The following ADAMTS2 variants were observed in gnomAD, a reference collection of about 807,000 sequenced individuals.
The protein encoded by ADAMTS2 is ADAM metallopeptidase with thrombospondin type 1 motif 2.
A neutral mutation model predicts 123.0 loss-of-function variants in ADAMTS2; 50 were observed. The ratio of observed to expected loss-of-function variants is 0.41; its 90% CI spans 0.32 to 0.51. The LOEUF is 0.51. Ranked by LOEUF, ADAMTS2 falls within the 20% of genes least tolerant of loss-of-function variation. The pLI is 0.35. For missense variants in ADAMTS2, 1,494 were observed against 1,705.2 expected (o/e 0.88, Z 2.18); for synonymous variants, 678 against 695.4 (o/e 0.98, Z 0.39).
rs1427148302 is a variant in ADAMTS2, at chr5:179,199,384, A to G, written c.891+8129T>C. ...CCATCCCGCCCACGGCTGGCAGGAA[A>G]GGGGCATGTCTGGTGGATGGCTGGC... On this transcript the variant is annotated intron_variant, in intron 4 of 21. Coordinates refer to ENST00000251582, the MANE Select transcript of ADAMTS2 (RefSeq NM_014244.5). Among the ~76,000 whole-genome samples the G allele has an allele frequency of 3.3e-5, 5 of 152,178 alleles. No individual in the cohort carries two copies. The East Asian group carries it at 7.7e-4, about 23-fold the overall frequency.
intron 2 of ADAMTS2, among the ~76,000 whole-genome samples, chr5:179,335,528 G>A (rs1003002878): frequency 5.9e-5 from 9 of 152,190 alleles, no homozygotes; most frequent in African/African-American, 2.2e-4. Context: ...AATAAACACA[G>A]CTTAATATTG....
At chr5:179,151,170 A>C in intron 10 of ADAMTS2, 1 of 347,618 alleles carries the variant, frequency 2.9e-6, no homozygotes, top group South Asian at 2.3e-5. Context: ...GTGCTGGGAT[A>C]ACAGGCATGA....
rs562791928 is a variant in ADAMTS2, at chr5:179,121,509, C to T, written c.3178+152G>A. The T allele has an allele frequency of 2.6e-4, 150 of 568,124 alleles. No individual in the cohort carries two copies. The African/African-American group carries it at 2.7e-3, about 10-fold the overall frequency. 35.2% of individuals were successfully genotyped at this position (568,124 alleles called of 1,614,324 possible). The stretch of plus-strand genomic sequence containing the variant: ...CGCGGCCCGGAGCGGACGCCGAGCT[C>T]AGAGGCCCGGGAGAAAACGGTCACC... On this transcript the variant is annotated intron_variant, in intron 21 of 21. Coordinates refer to ENST00000251582, the MANE Select transcript of ADAMTS2 (RefSeq NM_014244.5).
At chr5:179,296,459 G>A (rs935772137) in intron 2 of ADAMTS2, among the ~76,000 whole-genome samples, 10 of 152,186 alleles carry the variant, frequency 6.6e-5, no homozygotes, top group African/African-American at 2.4e-4. Flanking sequence ...CGAGGCTGGG[G>A]CCCCTGCTCG....
At chr5:179,195,718 G>C (rs769849231) in intron 4 of ADAMTS2, among the ~76,000 whole-genome samples, 2 of 152,166 alleles carry the variant, frequency 1.3e-5, no homozygotes, top group East Asian at 3.9e-4. Flanking sequence ...TGAGCCTTGC[G>C]TGCAGCCTCG....
intron 3 of ADAMTS2, among the ~76,000 whole-genome samples, chr5:179,221,299 T>C (rs1765120334): frequency 6.6e-6 from 1 of 152,140 alleles, no homozygotes; most frequent in South Asian, 2.1e-4. Context: ...CCCCAGCATC[T>C]GGCTCTGTCC....
chr5:179,321,096 CTT>C (rs1757159742), intron 2 of ADAMTS2, among the ~76,000 whole-genome samples: 2 of 152,074 alleles, frequency 1.3e-5, no homozygotes, highest in East Asian at 3.8e-4. Flanking sequence ...TCTGAAGCCA[CTT>C]TTACTTGGAT....
chr5:179,264,036 T>C (rs1017733510), intron 3 of ADAMTS2, among the ~76,000 whole-genome samples: 1 of 151,494 alleles, frequency 6.6e-6, no homozygotes, highest in Admixed American at 6.6e-5. Context: ...ACTGGCAGAG[T>C]TTGGACCTCG....
rs66565583 is a variant in ADAMTS2 at position 179,207,546 on chromosome 5, G to A, written c.858C>T (p.His286=). 0.19 allele frequency: 298,649 copies of A among 1,556,148 alleles called. 29,384 individuals are homozygous for A. The highest frequency in any genetic ancestry group is 0.23 in the Middle Eastern group (1,350 of 5,790). Residue 286 remains histidine (H), a synonymous_variant, in exon 4 of 22, where the codon CAC becomes CAT. Transcript: ENST00000251582. ...DSVVQFHGKE[H]VQKYLLTLMN... ...TGAGTGTCAGCAGGTACTTCTGTAC[G>A]TGCTCCTTCCCGTGGAACTGCACCA...
intron 2 of ADAMTS2, among the ~76,000 whole-genome samples, chr5:179,338,466 A>G (rs1218285121): frequency 2.0e-5 from 3 of 152,154 alleles, no homozygotes; most frequent in Non-Finnish European, 4.4e-5. Context: ...TGGATCCCTC[A>G]GGCATCTCTG....
rs1762573203 is a variant in ADAMTS2, at chr5:179,111,889, T to A, written c.*1978A>T. 6.6e-6 allele frequency: 1 copy of A among 152,258 alleles called. No individual in the cohort carries two copies. Among genetic ancestry groups the A allele is most frequent in the East Asian group, 1.9e-4 (1 of 5,192 alleles). 9.4% of individuals were successfully genotyped at this position (152,258 alleles called of 1,614,324 possible). A position where few individuals can be genotyped will look rare whatever the true frequency, so the allele number is the denominator to read the frequency against. Reference sequence around the variant, plus strand: ...TGCACACATGCTCTAAACCACATCTTCTTAAGGAAGGGGTACTATGAGAGA... The same window carrying A: ...TGCACACATGCTCTAAACCACATCTACTTAAGGAAGGGGTACTATGAGAGA... On this transcript the variant is annotated 3_prime_UTR_variant, in exon 22 of 22. Transcript: ENST00000251582.
intron 3 of ADAMTS2, among the ~76,000 whole-genome samples, chr5:179,244,479 G>T (rs1765738434): frequency 6.6e-6 from 1 of 152,096 alleles, no homozygotes. Flanking sequence ...ATTATGAGTA[G>T]ACCCATTTTA....
At position 179,167,719 on chromosome 5, in the gene ADAMTS2, A is replaced by G. The variant is rs114589161; in HGVS notation, c.976-8840T>C. On this transcript the variant is annotated intron_variant, in intron 5 of 21. Coordinates refer to ENST00000251582, the MANE Select transcript of ADAMTS2 (RefSeq NM_014244.5). ...CCTGGGCAGCTCTAGGCCCGGCCGA[A>G]ATATCTCATCTGCTCTGTTCTTGGG... Among the ~76,000 whole-genome samples the G allele has an allele frequency of 4.3e-3, 649 of 152,308 alleles. 4 individuals carry two copies. Among genetic ancestry groups the G allele is most frequent in the African/African-American group, 0.015 (615 of 41,572 alleles).
chr5:179,331,664 C>G (rs776462339), intron 2 of ADAMTS2, among the ~76,000 whole-genome samples: 33 of 151,848 alleles, frequency 2.2e-4, no homozygotes, highest in Admixed American at 2.2e-3. Context: ...CGTCCTATGA[C>G]AGTTGTCTCT....
rs567819389 is a variant in ADAMTS2 at position 179,306,578 on chromosome 5, C to G, written c.535-33514G>C. ...ACTCCTACTCAACCTTGGGTTGAGTCCTAGACAGCACCTCTGTACACACCC... is the reference window on the plus strand; with the variant it reads ...ACTCCTACTCAACCTTGGGTTGAGTGCTAGACAGCACCTCTGTACACACCC... On this transcript the variant is annotated intron_variant, in intron 2 of 21. Coordinates refer to ENST00000251582, the MANE Select transcript of ADAMTS2 (RefSeq NM_014244.5). Among the ~76,000 whole-genome samples, 34 of 152,288 alleles carry G rather than the reference C, an allele frequency of 2.2e-4. No homozygotes were observed. In the South Asian group the frequency reaches 7.1e-3, roughly 32 times the overall value.
At position 179,314,884 on chromosome 5, in the gene ADAMTS2, G is replaced by A. The variant is rs113444657; in HGVS notation, c.534+28883C>T. Among the ~76,000 whole-genome samples the A allele has an allele frequency of 0.01, 1,536 of 152,212 alleles. 15 individuals are homozygous for A. The highest frequency in any genetic ancestry group is 0.015 in the Non-Finnish European group (1,030 of 67,990). The stretch of plus-strand genomic sequence containing the variant: ...ATAGGAATGTCCCTTAGCATGGCCC[G>A]GGAGCCTCAAGCCCAGGGCCTACCT... On this transcript the variant is annotated intron_variant, in intron 2 of 21. Transcript: ENST00000251582. This position sits in a 1 kb window ranked among gnomAD's most constrained non-coding sequence, Gnocchi z 4.5.
rs780829205 is a variant in ADAMTS2, at chr5:179,181,180, C to T, written c.892-25G>A. ...CCTGAAAGAAACAGGGAGGCATCAG[C>T]GGGAACCACAGGCCCTAGGACTGGC... On this transcript the variant is annotated intron_variant, in intron 4 of 21. Coordinates refer to ENST00000251582, the MANE Select transcript of ADAMTS2 (RefSeq NM_014244.5). The surrounding 1 kb of genome is among the most constrained non-coding windows in gnomAD (Gnocchi z 4.1). 2.0e-5 allele frequency: 31 copies of T among 1,571,844 alleles called. 1 individual carries two copies. Among genetic ancestry groups the T allele is most frequent in the African/African-American group, 6.7e-5 (5 of 74,084 alleles).
chr5:179,207,475 T>TGCCCCCCC lies in ADAMTS2; in HGVS notation c.891+37_891+38insGGGGGGGC. 242 of 588,520 alleles carry TGCCCCCCC rather than the reference T, an allele frequency of 4.1e-4. 1 individual carries two copies. Among genetic ancestry groups the TGCCCCCCC allele is most frequent in the East Asian group, 1.4e-3 (37 of 26,520 alleles). The allele number at this position is 588,520 out of a possible 1,614,324, so 36.5% of individuals were successfully genotyped here. A position where few individuals can be genotyped will look rare whatever the true frequency, so the allele number is the denominator to read the frequency against. On this transcript the variant is annotated intron_variant, in intron 4 of 21. Coordinates refer to ENST00000251582, the MANE Select transcript of ADAMTS2 (RefSeq NM_014244.5). Reference sequence around the variant, plus strand: ...GGCCTGCCCAGCCCCTGGTTGACCCTCCCCGCCCCACCCTGCCCCCTCAGC... The same window carrying TGCCCCCCC: ...GGCCTGCCCAGCCCCTGGTTGACCCTGCCCCCCCCCCCGCCCCACCCTGCCCCCTCAGC...
chr5:179,212,404 T>G (rs1581194214), intron 3 of ADAMTS2, among the ~76,000 whole-genome samples: 1 of 132,944 alleles, frequency 7.5e-6, no homozygotes. Context: ...TGTGGGCAGG[T>G]GTGGGCTCTG....
Sources: allele counts gnomAD v4.1 joint callset (sites outside exome capture counted in the v4.1 genomes callset), GRCh38; gene constraint gnomAD v4.1.1; non-coding constraint Gnocchi (gnomAD v3.1); transcripts MANE v1.5; gene names NCBI Gene and HGNC (gene_info 2026-07-23, HGNC 2026-07-21).